DSCAM: variants seen among roughly 807,000 people sequenced by gnomAD.
The protein encoded by DSCAM is cell adhesion molecule DSCAM.
Under a neutral mutation model 217.7 loss-of-function variants are expected in DSCAM, and 47 were observed. That is an observed-to-expected ratio of 0.22 (90% confidence interval 0.17 to 0.28). The LOEUF (loss-of-function observed/expected upper bound fraction) is 0.28. Ranked by LOEUF, DSCAM falls within the 10% of genes least tolerant of loss-of-function variation. DSCAM has a pLI of 1.00. For missense variants in DSCAM, 2,080 were observed against 2,618.3 expected, an observed-to-expected ratio of 0.79 and a Z score of 4.49; for synonymous variants, 1,056 against 1,015.3, an observed-to-expected ratio of 1.04 and a Z score of -0.76.
intron 3 of DSCAM, among the ~76,000 whole-genome samples, chr21:40,423,704 G>A (rs1267535301): frequency 6.6e-6 from 1 of 152,132 alleles, no homozygotes; most frequent in Non-Finnish European, 1.5e-5. Context: ...TTTCCTCTGA[G>A]GAGGCAAGAA....
chr21:40,374,671 A>T (rs2074932243), intron 3 of DSCAM, among the ~76,000 whole-genome samples: 1 of 152,228 alleles, frequency 6.6e-6, no homozygotes, highest in Non-Finnish European at 1.5e-5. Flanking sequence ...TGAATTCTTA[A>T]TCCCCAATAT....
At chr21:40,050,600 G>A (rs9975976) in intron 30 of DSCAM, among the ~76,000 whole-genome samples, 105,091 of 151,818 alleles carry the variant, frequency 0.69, 37,028 homozygotes, top group African/African-American at 0.82. Context: ...CTCCTGCCTC[G>A]GCCTTCTGAG....
chr21:40,083,560 C>G (rs1434754251), intron 24 of DSCAM, among the ~76,000 whole-genome samples: 1 of 152,218 alleles, frequency 6.6e-6, no homozygotes. Flanking sequence ...TAAGTCAGGA[C>G]AGTACCCATG....
chr21:40,047,371 G>C (rs1484865868), intron 30 of DSCAM, among the ~76,000 whole-genome samples: 1 of 152,112 alleles, frequency 6.6e-6, no homozygotes, highest in Non-Finnish European at 1.5e-5. Flanking sequence ...GCTCCTTCAT[G>C]GAAAGTATTT....
chr21:40,311,552 T>C (rs2074137425), intron 9 of DSCAM, among the ~76,000 whole-genome samples: 1 of 152,184 alleles, frequency 6.6e-6, no homozygotes, highest in Non-Finnish European at 1.5e-5. Context: ...AACGTTGCAA[T>C]GGCGTCCCAA....
chr21:40,575,402 C>T lies in DSCAM; in HGVS notation c.508+117408G>A, dbSNP rs575960355. On this transcript the variant is annotated intron_variant, in intron 3 of 32. Coordinates refer to ENST00000400454, the MANE Select transcript of DSCAM (RefSeq NM_001389.5). ...GTTTGGTGATCTCTTCACACGGACG[C>T]GAATGAAACATATATAATTAAGACA... Among the ~76,000 whole-genome samples the T allele has an allele frequency of 2.5e-4, 38 of 151,696 alleles. No homozygotes were observed. In the South Asian group the frequency reaches 6.7e-3, roughly 27 times the overall value.
At chr21:40,327,571 T>G (rs1414684599) in intron 8 of DSCAM, among the ~76,000 whole-genome samples, 1 of 152,122 alleles carries the variant, frequency 6.6e-6, no homozygotes. Flanking sequence ...TGGCTGAGAC[T>G]TCCAGTGACA....
intron 9 of DSCAM, 94 bp downstream of exon 9, chr21:40,311,987 T>C: frequency 7.0e-6 from 4 of 567,982 alleles, no homozygotes; most frequent in Non-Finnish European, 1.1e-5. Context: ...ATTTCTAAGT[T>C]CCAGTTATTT....
intron 5 of DSCAM, 107 bp downstream of exon 5, chr21:40,353,357 GT>G: frequency 6.9e-7 from 1 of 1,458,738 alleles, no homozygotes. Context: ...CAGCTGGACT[GT>G]TTTGGGAGTT....
chr21:40,733,096 G>A (rs1036654547), intron 1 of DSCAM, among the ~76,000 whole-genome samples: 2 of 152,216 alleles, frequency 1.3e-5, no homozygotes, highest in African/African-American at 4.8e-5. Context: ...GGCAAACTGT[G>A]CCAGGCACTG....
At chr21:40,572,081 TGTGG>T (rs1191000993) in intron 3 of DSCAM, among the ~76,000 whole-genome samples, 1,298 of 78,538 alleles carry the variant, frequency 0.017, 8 homozygotes, top group Non-Finnish European at 0.023. Context: ...CATGTGTGTG[TGTGG>T]GTGTGTGTGT....
At chr21:40,241,406 C>CT (rs2073151183) in intron 11 of DSCAM, among the ~76,000 whole-genome samples, 1 of 152,110 alleles carries the variant, frequency 6.6e-6, no homozygotes, top group Admixed American at 6.6e-5. Context: ...TCACCAATCA[C>CT]TAGAGAAATG....
chr21:40,298,768 A>G (rs2073983487), intron 9 of DSCAM, among the ~76,000 whole-genome samples: 1 of 152,166 alleles, frequency 6.6e-6, no homozygotes, highest in South Asian at 2.1e-4. Flanking sequence ...AGAGCAAGAA[A>G]TTGCTCATCA....
chr21:40,481,035 G>A (rs755763282), intron 3 of DSCAM, among the ~76,000 whole-genome samples: 18 of 152,174 alleles, frequency 1.2e-4, no homozygotes, highest in Admixed American at 4.6e-4. Context: ...TAGAAGGCCC[G>A]CACCAGATGC....
At chr21:40,040,590 AG>A (rs2088728919) in intron 32 of DSCAM, among the ~76,000 whole-genome samples, 1 of 152,178 alleles carries the variant, frequency 6.6e-6, no homozygotes, top group South Asian at 2.1e-4. Flanking sequence ...AATAAAAGCA[AG>A]AAGGAAGAGG....
rs1221701734 is a variant in DSCAM, at chr21:40,692,855, T to C, written c.463A>G (p.Ile155Val). The part of the protein sequence containing the change: ...CIIPSSVEAY[I>V]TVVSWEKDTV... ...TCTTTCTCCCATGAGACGACAGTGA[T>C]GTACGCCTCCACCGAGGAGGGGATA... The change falls in exon 3 of 33, where the codon ATC becomes GTC. Residue 155 changes from isoleucine to valine, a missense_variant. By Grantham distance (29) the Ile-to-Val change is conservative (BLOSUM62 3). Transcript: ENST00000400454. 1.9e-6 allele frequency: 3 copies of C among 1,614,060 alleles called. No individual in the cohort carries two copies. Among genetic ancestry groups the C allele is most frequent in the Non-Finnish European group, 2.5e-6 (3 of 1,179,954 alleles).
intron 32 of DSCAM, among the ~76,000 whole-genome samples, chr21:40,040,319 A>G (rs1051898459): frequency 2.0e-5 from 3 of 152,244 alleles, no homozygotes; most frequent in East Asian, 1.9e-4. Flanking sequence ...AGGTCACAAT[A>G]TCATGAGCAA....
chr21:40,519,352 C>T (rs572556235), intron 3 of DSCAM, among the ~76,000 whole-genome samples: 2 of 152,226 alleles, frequency 1.3e-5, no homozygotes, highest in South Asian at 4.1e-4. Flanking sequence ...AGTCTCAGTG[C>T]TATGGTCTGA....
intron 3 of DSCAM, among the ~76,000 whole-genome samples, chr21:40,580,678 G>C (rs2076898017): frequency 6.6e-6 from 1 of 152,158 alleles, no homozygotes; most frequent in Non-Finnish European, 1.5e-5. Context: ...AAAGGAAATA[G>C]AGAATCATCT....
Sources: gnomAD v4.1 joint callset for allele counts (sites outside exome capture counted in the v4.1 genomes callset) on GRCh38, gnomAD v4.1.1 for gene constraint, MANE v1.5 for transcripts, NCBI Gene and HGNC (gene_info 2026-07-23, HGNC 2026-07-21) for gene names.